Variants in COL4A2 observed in about 807,000 individuals in gnomAD.
COL4A2 encodes collagen alpha-2(IV) chain.
COL4A2 carries 99 observed loss-of-function variants against 200.2 expected under a neutral mutation model. The ratio of observed to expected loss-of-function variants is 0.49; its 90% CI spans 0.42 to 0.58. The LOEUF is 0.58. COL4A2 is among the 20% of genes least tolerant of loss of function. The pLI, the probability that COL4A2 is intolerant of heterozygous loss-of-function variation, is 0.00. For missense variants in COL4A2, 1,950 were observed against 2,314.1 expected, an observed-to-expected ratio of 0.84 and a Z score of 3.23; for synonymous variants, 897 against 900.6, an observed-to-expected ratio of 1.00 and a Z score of 0.07.
intron 15 of COL4A2, 148 bp downstream of exon 15, chr13:110,438,816 A>ACACC: frequency 5.0e-6 from 3 of 596,374 alleles, no homozygotes; most frequent in Non-Finnish European, 8.5e-6. Context: ...CCCCCCACAC[A>ACACC]CACACACAGC....
At chr13:110,467,350 G>A (rs1346531229) in intron 27 of COL4A2, among the ~76,000 whole-genome samples, 3 of 152,272 alleles carry the variant, frequency 2.0e-5, no homozygotes, top group Admixed American at 6.5e-5. Context: ...GGCTGCAGGG[G>A]AACGCCCCCA....
At chr13:110,329,710 C>T (rs769665280) in intron 3 of COL4A2, among the ~76,000 whole-genome samples, 1 of 152,000 alleles carries the variant, frequency 6.6e-6, no homozygotes, top group Non-Finnish European at 1.5e-5. Context: ...AGGGTTTGTC[C>T]CAAGCGAATT....
intron 3 of COL4A2, among the ~76,000 whole-genome samples, chr13:110,313,604 A>G (rs111553469): frequency 0.74 from 190 of 256 alleles, 83 homozygotes; most frequent in Middle Eastern, 1. Context: ...CTCCCACCCC[A>G]GTGCCCCGTG....
At chr13:110,502,186 G>A (rs947034494) in intron 41 of COL4A2, among the ~76,000 whole-genome samples, 5 of 152,326 alleles carry the variant, frequency 3.3e-5, no homozygotes, top group African/African-American at 7.2e-5. Context: ...GTGTTTGTGC[G>A]TCAAGGTTCA....
chr13:110,385,078 C>T (rs975186942), intron 4 of COL4A2, among the ~76,000 whole-genome samples: 1 of 152,154 alleles, frequency 6.6e-6, no homozygotes, highest in Admixed American at 6.5e-5. Context: ...TCTTGGCTAA[C>T]ACGGTAAAAC....
intron 3 of COL4A2, among the ~76,000 whole-genome samples, chr13:110,344,536 A>T (rs1876616425): frequency 6.6e-6 from 1 of 152,238 alleles, no homozygotes; most frequent in Non-Finnish European, 1.5e-5. Context: ...TTCATGCGTG[A>T]CATTTTTCCC....
chr13:110,320,050 A>G (rs1885237845), intron 3 of COL4A2, among the ~76,000 whole-genome samples: 1 of 152,190 alleles, frequency 6.6e-6, no homozygotes, highest in Non-Finnish European at 1.5e-5. Flanking sequence ...AAGTCAACGC[A>G]TTTCTAGTTA....
chr13:110,323,089 A>G (rs552528036), intron 3 of COL4A2, among the ~76,000 whole-genome samples: 2 of 152,366 alleles, frequency 1.3e-5, no homozygotes, highest in Non-Finnish European at 2.9e-5. Context: ...AGGAGGAGCA[A>G]GTAGACAAAG....
intron 3 of COL4A2, among the ~76,000 whole-genome samples, chr13:110,329,346 A>G (rs1055399227): frequency 2.6e-5 from 4 of 152,228 alleles, no homozygotes; most frequent in African/African-American, 7.2e-5. Context: ...CGCTTTAAGA[A>G]AAAACATACT....
At chr13:110,453,562 C>T (rs1478965147) in intron 20 of COL4A2, among the ~76,000 whole-genome samples, 1 of 152,180 alleles carries the variant, frequency 6.6e-6, no homozygotes, top group Non-Finnish European at 1.5e-5. Context: ...CTAACGTTGC[C>T]ATTATTCCTG....
chr13:110,420,855 C>T (rs1478047930), intron 4 of COL4A2, among the ~76,000 whole-genome samples: 1 of 152,206 alleles, frequency 6.6e-6, no homozygotes, highest in Non-Finnish European at 1.5e-5. Context: ...TGTAAATGTC[C>T]ATTTAATCCC....
intron 4 of COL4A2, among the ~76,000 whole-genome samples, chr13:110,399,915 G>C (rs1228217167): frequency 6.6e-6 from 1 of 152,186 alleles, no homozygotes; most frequent in Non-Finnish European, 1.5e-5. Flanking sequence ...TCTGTAAGAT[G>C]CTCGATTAAA....
intron 4 of COL4A2, among the ~76,000 whole-genome samples, chr13:110,361,101 A>C (rs1236352794): frequency 6.6e-6 from 1 of 152,202 alleles, no homozygotes; most frequent in Non-Finnish European, 1.5e-5. Flanking sequence ...ATTCCTGGAG[A>C]TATTCTTCTG....
At chr13:110,504,093 G>A (rs568185627) in intron 44 of COL4A2, 55 bp from the exon 45 acceptor site, 52 of 1,587,254 alleles carry the variant, frequency 3.3e-5, no homozygotes, top group East Asian at 8.9e-5. Context: ...GTGGATCGCC[G>A]GCCGTGCCAG....
At chr13:110,346,335 A>T (rs1876697499) in intron 3 of COL4A2, among the ~76,000 whole-genome samples, 1 of 152,174 alleles carries the variant, frequency 6.6e-6, no homozygotes, top group African/African-American at 2.4e-5. Flanking sequence ...TAATAAATAT[A>T]TCTAAATTGC....
At chr13:110,502,160 G>A (rs1309741179) in intron 41 of COL4A2, among the ~76,000 whole-genome samples, 2 of 152,194 alleles carry the variant, frequency 1.3e-5, no homozygotes, top group Admixed American at 6.5e-5. Flanking sequence ...TAAAGATGAA[G>A]TCACCCGTCA....
At chr13:110,454,465 TTCTC>T (rs1220700514) in intron 20 of COL4A2, among the ~76,000 whole-genome samples, 4 of 152,104 alleles carry the variant, frequency 2.6e-5, no homozygotes, top group African/African-American at 9.7e-5. Context: ...GTGGTTAAAT[TTCTC>T]TCTACCTGCG....
intron 28 of COL4A2, among the ~76,000 whole-genome samples, chr13:110,472,179 G>C (rs961264279): frequency 1.3e-5 from 2 of 150,918 alleles, no homozygotes; most frequent in East Asian, 1.9e-4. Flanking sequence ...GCAGTGGTGC[G>C]ATCTTGGCTC....
At chr13:110,338,258 C>T (rs753897260) in intron 3 of COL4A2, among the ~76,000 whole-genome samples, 2 of 152,142 alleles carry the variant, frequency 1.3e-5, no homozygotes, top group Non-Finnish European at 2.9e-5. Flanking sequence ...GCAGTTACTG[C>T]ATATGAAGGC....
Sources: allele counts gnomAD v4.1 joint callset (sites outside exome capture counted in the v4.1 genomes callset), GRCh38; gene constraint gnomAD v4.1.1; transcripts MANE v1.5; gene names NCBI Gene and HGNC (gene_info 2026-07-23, HGNC 2026-07-21).